Variants in PCBD1 observed in about 807,000 individuals in gnomAD.
PCBD1 encodes the protein pterin-4-alpha-carbinolamine dehydratase.
A neutral mutation model predicts 12.6 loss-of-function variants in PCBD1; 16 were observed. The observed-to-expected ratio is 1.27, with a 90% CI of 0.86 to 1.93. The LOEUF is 1.93. PCBD1 is among the 30% of genes most tolerant of loss of function. The pLI, the probability that PCBD1 is intolerant of heterozygous loss-of-function variation, is 0.00. For synonymous variants in PCBD1, 53 were observed against 50.2 expected, an observed-to-expected ratio of 1.05 and a Z score of -0.23; for missense variants, 86 against 130.1, an observed-to-expected ratio of 0.66 and a Z score of 1.65.
At chr10:70,888,286 C>G (rs1846619619) in intron 1 of PCBD1, 3 of 375,698 alleles carry the variant, frequency 8.0e-6, no homozygotes, top group Non-Finnish European at 1.4e-5. Flanking sequence ...CAAGCACTGG[C>G]CGGGGTCAGG....
chr10:70,883,864 G>A lies in PCBD1; in HGVS notation c.*86C>T. 6.4e-7 allele frequency: 1 copy of A among 1,552,172 alleles called. No homozygotes were observed. Among genetic ancestry groups the A allele is most frequent in the Non-Finnish European group, 8.7e-7 (1 of 1,148,134 alleles). ...CTGGGTCTTGGGAGGGGAGTGGTGG[G>A]AGGGTAAGGGCTCCTCAGCTCCCTC... is the stretch of plus-strand genomic sequence containing the variant. On this transcript the variant is annotated 3_prime_UTR_variant, in exon 4 of 4. Coordinates refer to ENST00000299299, the MANE Select transcript of PCBD1 (RefSeq NM_000281.4).
intron 3 of PCBD1, among the ~76,000 whole-genome samples, chr10:70,884,627 G>A (rs1023843228): frequency 2.0e-4 from 30 of 151,848 alleles, no homozygotes; most frequent in Non-Finnish European, 3.4e-4. Context: ...GACTACAGGC[G>A]TCCACCACCG....
At chr10:70,884,707 C>T (rs1846556017) in intron 3 of PCBD1, among the ~76,000 whole-genome samples, 1 of 152,114 alleles carries the variant, frequency 6.6e-6, no homozygotes, top group Admixed American at 6.5e-5. Flanking sequence ...GGGTCTTGAT[C>T]TCCTGACCTC....
chr10:70,885,292 CCAATT>C (rs1324531575), intron 2 of PCBD1, 60 bp from the exon 3 acceptor site: 1 of 1,277,690 alleles, frequency 7.8e-7, no homozygotes, highest in African/African-American at 1.5e-5. Context: ...CTGGACATCA[CCAATT>C]CAAGGCCTAG....
Position 70,883,540 on chromosome 10 carries a change from T to G in PCBD1, c.*410A>C. 1.8e-6 allele frequency: 2 copies of G among 1,104,076 alleles called. No homozygotes were observed. The highest frequency in any genetic ancestry group is 2.2e-6 in the Non-Finnish European group (2 of 899,000). The allele number at this position is 1,104,076 out of a possible 1,614,324, so 68.4% of individuals were successfully genotyped here. On this transcript the variant is annotated 3_prime_UTR_variant, in exon 4 of 4. Transcript: ENST00000299299. ...TGATATAATAGTTTTATTTGAGACA[T>G]AAAAACACATGTGTTTCTATTACAT...
intron 1 of PCBD1, among the ~76,000 whole-genome samples, chr10:70,887,403 A>G (rs1342896843): frequency 6.6e-6 from 1 of 152,084 alleles, no homozygotes; most frequent in East Asian, 1.9e-4. Context: ...GGATGACTAT[A>G]GGGATTGAAT....
intron 3 of PCBD1, 34 bp from the exon 4 acceptor site, chr10:70,884,082 C>T: frequency 6.2e-7 from 1 of 1,605,330 alleles, no homozygotes; most frequent in Non-Finnish European, 8.5e-7. Context: ...CTTCCACTGA[C>T]TTCACTTAAG....
At chr10:70,885,469 G>T (rs1048941138) in intron 2 of PCBD1, among the ~76,000 whole-genome samples, 1 of 152,208 alleles carries the variant, frequency 6.6e-6, no homozygotes, top group Non-Finnish European at 1.5e-5. Context: ...ACCACAACAG[G>T]CTTTTGGCCT....
At chr10:70,884,091 A>G in intron 3 of PCBD1, 43 bp from the exon 4 acceptor site, 1 of 1,597,438 alleles carries the variant, frequency 6.3e-7, no homozygotes, top group Non-Finnish European at 8.5e-7. Context: ...ACTTCACTTA[A>G]GAACAGGAGG....
chr10:70,883,516 G>A lies in PCBD1; in HGVS notation c.*434C>T, dbSNP rs1003468162. On this transcript the variant is annotated 3_prime_UTR_variant, in exon 4 of 4. Coordinates refer to ENST00000299299, the MANE Select transcript of PCBD1 (RefSeq NM_000281.4). ...AAGTTTCTAGAGCCTGAGACCAAGT[G>A]ATATAATAGTTTTATTTGAGACATA... 1.8e-5 allele frequency: 19 copies of A among 1,085,384 alleles called. No homozygotes were observed. The African/African-American group carries it at 2.6e-4, about 15-fold the overall frequency. 67.2% of individuals were successfully genotyped at this position (1,085,384 alleles called of 1,614,324 possible).
At chr10:70,885,003 T>C (rs1846559378) in intron 3 of PCBD1, 149 bp downstream of exon 3, 3 of 726,628 alleles carry the variant, frequency 4.1e-6, no homozygotes, top group Non-Finnish European at 2.5e-6. Flanking sequence ...TCTAGGCATG[T>C]GCAATCTCAG....
downstream of PCBD1, among the ~76,000 whole-genome samples, chr10:70,883,240 T>C (rs1846525991): frequency 6.6e-6 from 1 of 152,210 alleles, no homozygotes; most frequent in Non-Finnish European, 1.5e-5. Context: ...TCATTTCTTA[T>C]CCTGCCACCT....
chr10:70,888,269 C>A (rs1031261975), intron 1 of PCBD1: 5 of 360,070 alleles, frequency 1.4e-5, no homozygotes, highest in Middle Eastern at 7.4e-4. Context: ...CCGGAAGGGT[C>A]CCGGAACAAG....
At position 70,884,059 on chromosome 10, in the gene PCBD1, A is replaced by G. The variant is rs760379602; in HGVS notation, c.217-11T>C. On this transcript the variant is annotated splice_polypyrimidine_tract_variant and intron_variant, in intron 3 of 3. Transcript: ENST00000299299. ...CAGCGTGATGTGGACCTGAAATGAA[A>G]CCAGAAATTCTGCTTCCACTGACTT... is the stretch of plus-strand genomic sequence containing the variant. 1.2e-5 allele frequency: 19 copies of G among 1,613,104 alleles called. No individual in the cohort carries two copies. Among genetic ancestry groups the G allele is most frequent in the Non-Finnish European group, 1.5e-5 (18 of 1,179,610 alleles).
Position 70,888,539 on chromosome 10 carries a change from G to C in PCBD1, c.-6C>G. ...CGCACCCCTGGACTCACCATGGCGC[G>C]GGCGGCAGCAGGTGGCCAGCGGAGA... On this transcript the variant is annotated 5_prime_UTR_variant, in exon 1 of 4. Coordinates refer to ENST00000299299, the MANE Select transcript of PCBD1 (RefSeq NM_000281.4). 5 of 1,256,676 alleles carry C rather than the reference G, an allele frequency of 4.0e-6. No individual in the cohort carries two copies. Among genetic ancestry groups the C allele is most frequent in the Non-Finnish European group, 5.0e-6 (5 of 999,560 alleles). The allele number at this position is 1,256,676 out of a possible 1,614,324, so 77.8% of individuals were successfully genotyped here.
intron 3 of PCBD1, among the ~76,000 whole-genome samples, chr10:70,884,372 C>A (rs1300789872): frequency 6.6e-6 from 1 of 152,056 alleles, no homozygotes; most frequent in African/African-American, 2.4e-5. Context: ...TCCACCCTTA[C>A]TGTTTTTATA....
intron 1 of PCBD1, 188 bp downstream of exon 1, chr10:70,888,343 C>A: frequency 1.9e-6 from 1 of 516,560 alleles, no homozygotes; most frequent in South Asian, 3.8e-5. Context: ...CGCCACCGCC[C>A]CTCTCAGGGC....
intron 3 of PCBD1, 138 bp from the exon 4 acceptor site, chr10:70,884,186 G>C (rs1846545827): frequency 1.3e-6 from 1 of 779,194 alleles, no homozygotes; most frequent in South Asian, 1.5e-5. Flanking sequence ...ACTCCTTCCT[G>C]ACATGTCTGT....
intron 1 of PCBD1, among the ~76,000 whole-genome samples, chr10:70,887,053 A>T (rs1407769899): frequency 6.6e-6 from 1 of 152,080 alleles, no homozygotes; most frequent in African/African-American, 2.4e-5. Context: ...TGCAGACTGG[A>T]CACCATGTGT....
Sources: gnomAD v4.1 joint callset for allele counts (sites outside exome capture counted in the v4.1 genomes callset) on GRCh38, gnomAD v4.1.1 for gene constraint, MANE v1.5 for transcripts, NCBI Gene and HGNC (gene_info 2026-07-23, HGNC 2026-07-21) for gene names.